The following SPAG16 variants were observed in gnomAD, a reference collection of about 807,000 sequenced individuals.
SPAG16 encodes sperm associated antigen 16.
Under a neutral mutation model 80.4 loss-of-function variants are expected in SPAG16, and 86 were observed. The observed-to-expected ratio is 1.07, with a 90% confidence interval of 0.90 to 1.28. The LOEUF (loss-of-function observed/expected upper bound fraction) is 1.28, where lower values mean the gene tolerates loss of function less well. Among genes scored for constraint, SPAG16 ranks in the 50% most tolerant of loss-of-function variants. The probability of loss-of-function intolerance (pLI) is 0.00; values close to 1 mark genes in which losing one functional copy is unlikely to be tolerated. For synonymous variants in SPAG16, 294 were observed against 265.9 expected (o/e 1.11, Z -1.03); for missense variants, 870 against 765.3 (o/e 1.14, Z -1.61).
chr2:213,409,067 A>G (rs2068817635), intron 9 of SPAG16, among the ~76,000 whole-genome samples: 1 of 152,032 alleles, frequency 6.6e-6, no homozygotes, highest in African/African-American at 2.4e-5. Flanking sequence ...GAGAATTTAC[A>G]TAAAAAGGAA....
chr2:214,160,530 C>T (rs1228118394), intron 15 of SPAG16, among the ~76,000 whole-genome samples: 1 of 151,710 alleles, frequency 6.6e-6, no homozygotes, highest in Non-Finnish European at 1.5e-5. Context: ...ATTAATCATA[C>T]TTCTCAGTAT....
chr2:213,846,702 A>G (rs151056682), intron 10 of SPAG16, among the ~76,000 whole-genome samples: 412 of 152,234 alleles, frequency 2.7e-3, no homozygotes, highest in Non-Finnish European at 3.9e-3. Context: ...TATGTCTTTT[A>G]ATTTAAATTT....
At chr2:213,682,372 C>G (rs1367793262) in intron 10 of SPAG16, among the ~76,000 whole-genome samples, 1 of 152,200 alleles carries the variant, frequency 6.6e-6, no homozygotes, top group African/African-American at 2.4e-5. Context: ...CAATCATATA[C>G]ACTTTGATGT....
intron 11 of SPAG16, among the ~76,000 whole-genome samples, chr2:213,865,174 T>C (rs1176974423): frequency 1.3e-5 from 2 of 152,010 alleles, no homozygotes; most frequent in Non-Finnish European, 2.9e-5. Flanking sequence ...GGAGAGAATA[T>C]AAATTTTTTG....
intron 13 of SPAG16, among the ~76,000 whole-genome samples, chr2:214,063,089 A>T (rs541407351): frequency 1.1e-4 from 17 of 152,272 alleles, no homozygotes; most frequent in African/African-American, 4.1e-4. Context: ...GATTTTTGGT[A>T]TTTTTTTCAT....
At chr2:213,883,313 T>C (rs1277804319) in intron 11 of SPAG16, among the ~76,000 whole-genome samples, 2 of 152,228 alleles carry the variant, frequency 1.3e-5, no homozygotes, top group Admixed American at 1.3e-4. Context: ...ATTTGTGTAG[T>C]TTTAAGAGAT....
intron 15 of SPAG16, among the ~76,000 whole-genome samples, chr2:214,297,510 T>C (rs1694220215): frequency 6.6e-6 from 1 of 152,100 alleles, no homozygotes; most frequent in African/African-American, 2.4e-5. Context: ...GTGAGAGGTA[T>C]GGGTCCAGTT....
At chr2:214,167,008 G>C (rs2056682589) in intron 15 of SPAG16, among the ~76,000 whole-genome samples, 1 of 152,142 alleles carries the variant, frequency 6.6e-6, no homozygotes, top group Non-Finnish European at 1.5e-5. Flanking sequence ...GAGTTAGAAA[G>C]AGAGGAGGAG....
intron 9 of SPAG16, among the ~76,000 whole-genome samples, chr2:213,403,452 A>G (rs2068438532): frequency 6.6e-6 from 1 of 152,192 alleles, no homozygotes; most frequent in African/African-American, 2.4e-5. Context: ...ACCAAAGACA[A>G]AAACCACCTG....
intron 2 of SPAG16, among the ~76,000 whole-genome samples, chr2:213,296,822 A>G (rs1347282672): frequency 2.0e-5 from 3 of 152,206 alleles, no homozygotes; most frequent in East Asian, 1.9e-4. Flanking sequence ...ACTGTCATTA[A>G]TCATAATTGC....
At chr2:213,618,734 G>A (rs1457239954) in intron 10 of SPAG16, among the ~76,000 whole-genome samples, 16 of 148,118 alleles carry the variant, frequency 1.1e-4, no homozygotes, top group Admixed American at 8.1e-4. Context: ...TGCATGCACA[G>A]AATTTAAAAA....
intron 15 of SPAG16, among the ~76,000 whole-genome samples, chr2:214,206,868 G>A (rs185547256): frequency 9.9e-4 from 150 of 152,042 alleles, no homozygotes; most frequent in African/African-American, 3.5e-3. Flanking sequence ...GTTTTGATTT[G>A]CATTTTTTGA....
intron 10 of SPAG16, among the ~76,000 whole-genome samples, chr2:213,842,133 T>G (rs1048015392): frequency 3.3e-5 from 5 of 152,162 alleles, no homozygotes; most frequent in Non-Finnish European, 5.9e-5. Flanking sequence ...TTTTGAATTT[T>G]TTTTCCAAAG....
At chr2:213,442,042 G>T (rs2071001932) in intron 9 of SPAG16, among the ~76,000 whole-genome samples, 1 of 152,182 alleles carries the variant, frequency 6.6e-6, no homozygotes, top group African/African-American at 2.4e-5. Flanking sequence ...CAGCTACTCG[G>T]GAGGTTGAGG....
intron 15 of SPAG16, among the ~76,000 whole-genome samples, chr2:214,371,068 G>A (rs949866253): frequency 2.6e-5 from 4 of 152,132 alleles, no homozygotes; most frequent in African/African-American, 7.2e-5. Flanking sequence ...GGCATTGTCA[G>A]TTTCAGAGAT....
chr2:213,709,259 C>T lies in SPAG16; in HGVS notation c.1071-153226C>T, dbSNP rs563059189. On this transcript the variant is annotated intron_variant, in intron 10 of 15. Transcript: ENST00000331683. ...TTAAAAAATGTCTTTGATCCTTTCT[C>T]GTTTGAAATATGGATGTAACAGGTG... Among the ~76,000 whole-genome samples the T allele has an allele frequency of 7.2e-5, 11 of 152,126 alleles. No individual in the cohort carries two copies. The South Asian group carries it at 8.3e-4, about 11-fold the overall frequency.
intron 10 of SPAG16, among the ~76,000 whole-genome samples, chr2:213,786,727 T>C (rs551317137): frequency 2.0e-4 from 31 of 152,266 alleles, no homozygotes; most frequent in African/African-American, 7.2e-4. Context: ...TCTAATAATG[T>C]GTTCAGCATA....
rs149012972 is a variant in SPAG16, at chr2:214,265,458, T to C, written c.1720+116192T>C. Among the ~76,000 whole-genome samples, 762 of 152,224 alleles carry C rather than the reference T, an allele frequency of 5.0e-3. 5 individuals are homozygous for C. The highest frequency in any genetic ancestry group is 0.017 in the African/African-American group (721 of 41,570). On this transcript the variant is annotated intron_variant, in intron 15 of 15. Coordinates refer to ENST00000331683, the MANE Select transcript of SPAG16 (RefSeq NM_024532.5). ...CACACTTTTTAATTGAGTTATTTAT[T>C]TTCTTATGATTGAGTTTTCAAAGTT...
chr2:214,011,668 T>G (rs900041501), intron 12 of SPAG16, among the ~76,000 whole-genome samples: 1 of 152,174 alleles, frequency 6.6e-6, no homozygotes, highest in African/African-American at 2.4e-5. Flanking sequence ...ACTTTAGTGA[T>G]TAAAATATTA....
Sources: allele counts gnomAD v4.1 joint callset (sites outside exome capture counted in the v4.1 genomes callset), GRCh38; gene constraint gnomAD v4.1.1; transcripts MANE v1.5; gene names NCBI Gene and HGNC (gene_info 2026-07-23, HGNC 2026-07-21).